DUS3L: variants seen among roughly 807,000 people sequenced by gnomAD.
The protein encoded by DUS3L is tRNA-dihydrouridine(47) synthase [NAD(P)(+)]-like.
Under a neutral mutation model 74.6 loss-of-function variants are expected in DUS3L, and 62 were observed. That is an observed-to-expected ratio of 0.83 (90% CI 0.68 to 1.03). DUS3L has a LOEUF of 1.03. Ranked by LOEUF, DUS3L falls within the 50% of genes least tolerant of loss-of-function variation. The probability of loss-of-function intolerance (pLI) is 0.00; values close to 1 mark genes in which losing one functional copy is unlikely to be tolerated. For synonymous variants in DUS3L, 433 were observed against 395.7 expected (o/e 1.09, Z -1.12); for missense variants, 884 against 924.4 (o/e 0.96, Z 0.57).
intron 3 of DUS3L, 112 bp from the exon 4 acceptor site, chr19:5,788,510 G>T: frequency 8.0e-7 from 1 of 1,243,560 alleles, no homozygotes. Flanking sequence ...AAATGGTCTG[G>T]CTCCTTTGCT....
chr19:5,788,814 C>A (rs1256550917), intron 3 of DUS3L, among the ~76,000 whole-genome samples: 1 of 151,028 alleles, frequency 6.6e-6, no homozygotes, highest in Non-Finnish European at 1.5e-5. Flanking sequence ...TCAAGTGATT[C>A]TCCTGCCTCA....
At chr19:5,787,202 ATG>A (rs2056854963) in intron 7 of DUS3L, 31 bp from the exon 8 acceptor site, 8 of 759,718 alleles carry the variant, frequency 1.1e-5, no homozygotes, top group Non-Finnish European at 9.8e-6. Context: ...GTGGTGGGAG[ATG>A]GTGGGAGGTG....
chr19:5,789,754 G>A, intron 2 of DUS3L, 35 bp from the exon 3 acceptor site: 2 of 1,566,846 alleles, frequency 1.3e-6, no homozygotes, highest in Non-Finnish European at 1.7e-6. Context: ...AGGGAGGACA[G>A]GGAGACCCCG....
At chr19:5,790,451 T>C (rs975717938) in intron 1 of DUS3L, 116 bp from the exon 2 acceptor site, 2 of 1,308,452 alleles carry the variant, frequency 1.5e-6, no homozygotes, top group Non-Finnish European at 2.1e-6. Flanking sequence ...AGCTCACTAC[T>C]TAAGAACCAG....
intron 10 of DUS3L, 92 bp from the exon 11 acceptor site, chr19:5,785,883 C>T: frequency 7.2e-7 from 1 of 1,383,588 alleles, no homozygotes; most frequent in South Asian, 1.5e-5. Flanking sequence ...AGCCGGAGCC[C>T]AGACCACAAA....
chr19:5,790,436 T>C (rs147569003), intron 1 of DUS3L, 101 bp from the exon 2 acceptor site: 8 of 1,436,254 alleles, frequency 5.6e-6, no homozygotes, highest in Non-Finnish European at 7.6e-6. Flanking sequence ...CTTCTGCTGA[T>C]GGGGAGCTCA....
intron 1 of DUS3L, among the ~76,000 whole-genome samples, chr19:5,790,661 C>T (rs2056900849): frequency 6.6e-6 from 1 of 152,196 alleles, no homozygotes; most frequent in African/African-American, 2.4e-5. Flanking sequence ...GCACGCCTTT[C>T]GGCCCTTCAA....
In DUS3L at chr19:5,789,336, C is replaced by T. The variant is rs1174261928; in HGVS notation, c.771G>A (p.Gln257=). 8 of 1,604,992 alleles carry T rather than the reference C, an allele frequency of 5.0e-6. No homozygotes were observed. Among genetic ancestry groups the T allele is most frequent in the Admixed American group, 1.7e-5 (1 of 58,710 alleles). ...EGTAAEGAPR[Q]ENCGAQQVPA... Reference sequence around the variant, plus strand: ...GGACCTGCTGGGCACCACAGTTTTCCTGCCTGGGAGCGCCCTCGGCTGCCG... The same window carrying T: ...GGACCTGCTGGGCACCACAGTTTTCTTGCCTGGGAGCGCCCTCGGCTGCCG... The change falls in exon 3 of 13, where the codon CAG becomes CAA. Residue 257 remains glutamine, a synonymous_variant. Transcript: ENST00000309061.
chr19:5,790,242 G>T lies in DUS3L; in HGVS notation c.192C>A (p.Gly64=). 6.2e-7 allele frequency: 1 copy of T among 1,614,138 alleles called. No individual in the cohort carries two copies. The highest frequency in any genetic ancestry group is 8.5e-7 in the Non-Finnish European group (1 of 1,180,034). The part of the protein sequence containing the change: ...CRETEVGDPA[G]NELAEPEAKR... Reference sequence around the variant, plus strand: ...TAGCCTCAGGCTCAGCCAGCTCATTGCCAGCAGGGTCTCCTACCTCGGTTT... The same window carrying T: ...TAGCCTCAGGCTCAGCCAGCTCATTTCCAGCAGGGTCTCCTACCTCGGTTT... Residue 64 remains glycine (G), a synonymous_variant, in exon 2 of 13, where the codon GGC becomes GGA. Transcript: ENST00000309061.
At chr19:5,787,924 C>A in intron 5 of DUS3L, 100 bp downstream of exon 5, 1 of 1,537,498 alleles carries the variant, frequency 6.5e-7, no homozygotes, top group Non-Finnish European at 8.7e-7. Context: ...CAGCTGAGGC[C>A]AGGGGGTCAG....
Position 5,785,488 on chromosome 19 carries a change from T to A in DUS3L, c.1775A>T (p.Glu592Val), listed in dbSNP as rs2056832275. Reference protein sequence around the residue: ...LCRYVPVGLLERLPQRINERP... With the variant: ...LCRYVPVGLLVRLPQRINERP... Reference sequence around the variant, plus strand: ...CTCGTTGATCCTCTGTGGGAGCCGCTCCAGCAGCCCCACGGGCACGTACCT... The same window carrying A: ...CTCGTTGATCCTCTGTGGGAGCCGCACCAGCAGCCCCACGGGCACGTACCT... The change falls in exon 12 of 13, where the codon GAG (glutamate) becomes GTG (valine). Residue 592 changes from glutamate (E) to valine (V), a missense_variant. Coordinates refer to ENST00000309061, the MANE Select transcript of DUS3L (RefSeq NM_020175.3). The A allele has an allele frequency of 6.4e-7, 1 of 1,571,774 alleles. No homozygotes were observed. Among genetic ancestry groups the A allele is most frequent in the Non-Finnish European group, 8.6e-7 (1 of 1,158,590 alleles).
At chr19:5,787,196 TG>T in intron 7 of DUS3L, 25 bp from the exon 8 acceptor site, 1 of 1,278,636 alleles carries the variant, frequency 7.8e-7, no homozygotes, top group Non-Finnish European at 1.1e-6. Flanking sequence ...TGGGAGGTGG[TG>T]GGAGATGGTG....
intron 2 of DUS3L, 64 bp downstream of exon 2, chr19:5,789,983 G>A: frequency 1.9e-6 from 3 of 1,590,794 alleles, no homozygotes; most frequent in Non-Finnish European, 2.6e-6. Flanking sequence ...ACAATTACCC[G>A]CTGCCAGGAA....
chr19:5,785,145 AAAG>A lies in DUS3L; in HGVS notation c.*55_*57del, dbSNP rs761514026. The A allele has an allele frequency of 1.6e-5, 25 of 1,540,064 alleles. No individual in the cohort carries two copies. In the South Asian group the frequency reaches 2.7e-4, roughly 17 times the overall value. On this transcript the variant is annotated 3_prime_UTR_variant, in exon 13 of 13. Coordinates refer to ENST00000309061, the MANE Select transcript of DUS3L (RefSeq NM_020175.3). ...GGGTCACAGAAAGGCCTGGATTTTA[AAAG>A]AATAAAATTTATTGTACTCTCCTCG...
intron 12 of DUS3L, 41 bp downstream of exon 12, chr19:5,785,342 G>A: frequency 6.2e-7 from 1 of 1,605,836 alleles, no homozygotes; most frequent in South Asian, 1.1e-5. Flanking sequence ...GTGACCCCGG[G>A]CCCCCGACTG....
chr19:5,786,533 T>A lies in DUS3L; in HGVS notation c.1496A>T (p.Asp499Val). 6.2e-7 allele frequency: 1 copy of A among 1,612,944 alleles called. No homozygotes were observed. Among genetic ancestry groups the A allele is most frequent in the South Asian group, 1.1e-5 (1 of 91,016 alleles). Reference protein sequence around the residue: ...ASPMPLFGNGDILSFEDANRA... With the variant: ...ASPMPLFGNGVILSFEDANRA... ...GTTGGCATCCTCAAATGACAAGATGTCCCCATTTCCTGAGGAGACAGAGGC... is the reference window on the plus strand; with the variant it reads ...GTTGGCATCCTCAAATGACAAGATGACCCCATTTCCTGAGGAGACAGAGGC... The change falls in exon 10 of 13, where the codon GAC becomes GTC. Residue 499 changes from aspartate to valine, a missense_variant. Transcript: ENST00000309061.
Position 5,787,108 on chromosome 19 carries a change from G to A in DUS3L, c.1342C>T (p.His448Tyr). ...TGVQERVNLA[H>Y]RLLPELRDWG... Reference sequence around the variant, plus strand: ...TCCCGCAGCTCGGGCAGCAGGCGGTGCGCCAGGTTCACACGCTCCTGGACG... The same window carrying A: ...TCCCGCAGCTCGGGCAGCAGGCGGTACGCCAGGTTCACACGCTCCTGGACG... Residue 448 changes from histidine (H) to tyrosine (Y), a missense_variant, in exon 8 of 13, where the codon CAC (histidine) becomes TAC (tyrosine). Transcript: ENST00000309061. 3 of 1,302,798 alleles carry A rather than the reference G, an allele frequency of 2.3e-6. No individual in the cohort carries two copies. The highest frequency in any genetic ancestry group is 2.0e-6 in the Non-Finnish European group (2 of 991,938). 80.7% of individuals were successfully genotyped at this position (1,302,798 alleles called of 1,614,324 possible).
Position 5,789,209 on chromosome 19 carries a change from G to C in DUS3L, c.898C>G (p.Arg300Gly). Residue 300 changes from arginine to glycine, a missense_variant and splice_region_variant, in exon 3 of 13, where the codon CGG (arginine) becomes GGG (glycine). Transcript: ENST00000309061. ...VVRLRPCEKK[R>G]LDIRGKLYLA... ...CTGACGTTGTCCTCAACACGTACCC[G>C]CTTCTTCTCACAGGGCCGCAGCCTG... The C allele has an allele frequency of 6.5e-7, 1 of 1,531,418 alleles. No individual in the cohort carries two copies. The highest frequency in any genetic ancestry group is 8.8e-7 in the Non-Finnish European group (1 of 1,142,526). The allele number at this position is 1,531,418 out of a possible 1,614,324, so 94.9% of individuals were successfully genotyped here. A position where few individuals can be genotyped will look rare whatever the true frequency, so the allele number is the denominator to read the frequency against.
chr19:5,790,977 A>G, intron 1 of DUS3L, 67 bp downstream of exon 1: 1 of 1,476,186 alleles, frequency 6.8e-7, no homozygotes, highest in Non-Finnish European at 9.3e-7. Flanking sequence ...CCCGGCATGC[A>G]CAGCTCGGAC....
Sources: allele counts gnomAD v4.1 joint callset (sites outside exome capture counted in the v4.1 genomes callset), GRCh38; gene constraint gnomAD v4.1.1; transcripts MANE v1.5; gene names NCBI Gene and HGNC (gene_info 2026-07-23, HGNC 2026-07-21).